Variants in KSR2 observed in about 807,000 individuals in gnomAD.
KSR2 encodes the protein kinase suppressor of ras 2.
In KSR2, 25 loss-of-function variants were observed where a neutral mutation model predicts 107.8. The ratio of observed to expected loss-of-function variants is 0.23; its 90% confidence interval spans 0.17 to 0.32. KSR2 has a LOEUF of 0.32. Among genes scored for constraint, KSR2 ranks in the 10% least tolerant of loss-of-function variants. KSR2 has a pLI of 1.00. For missense variants in KSR2, 887 were observed against 1,268.9 expected (o/e 0.70, Z 4.57); for synonymous variants, 480 against 507.0 (o/e 0.95, Z 0.71).
chr12:117,912,571 C>T (rs1057216547), intron 1 of KSR2, among the ~76,000 whole-genome samples: 1 of 152,104 alleles, frequency 6.6e-6, no homozygotes, highest in African/African-American at 2.4e-5. Flanking sequence ...TCCAAATAAT[C>T]CTATAAGATT....
intron 4 of KSR2, among the ~76,000 whole-genome samples, chr12:117,722,921 T>C (rs1464458608): frequency 6.6e-6 from 1 of 152,122 alleles, no homozygotes; most frequent in African/African-American, 2.4e-5. Flanking sequence ...GATCTCTCCA[T>C]ACCAAGAGAG....
chr12:117,680,032 C>T (rs1190564144), intron 4 of KSR2, among the ~76,000 whole-genome samples: 1 of 152,208 alleles, frequency 6.6e-6, no homozygotes, highest in Non-Finnish European at 1.5e-5. Flanking sequence ...GATTCCTGTT[C>T]TACACTACCT....
At chr12:117,468,073 C>T (rs1010769500) in intron 19 of KSR2, among the ~76,000 whole-genome samples, 4 of 152,212 alleles carry the variant, frequency 2.6e-5, no homozygotes, top group East Asian at 1.9e-4. Context: ...AACTTGCCAG[C>T]ACTCCTTTAG....
At chr12:117,578,391 C>T (rs968120591) in intron 7 of KSR2, among the ~76,000 whole-genome samples, 31 of 151,976 alleles carry the variant, frequency 2.0e-4, no homozygotes, top group African/African-American at 7.0e-4. Context: ...GTCAGGAGTT[C>T]GAGAGCAGCC....
intron 3 of KSR2, among the ~76,000 whole-genome samples, chr12:117,801,360 C>T (rs1292948356): frequency 1.3e-5 from 2 of 151,812 alleles, no homozygotes; most frequent in African/African-American, 2.4e-5. Flanking sequence ...AACTGTTGGC[C>T]TCAAGTGATC....
chr12:117,928,246 A>C (rs1000558669), intron 1 of KSR2, among the ~76,000 whole-genome samples: 9 of 149,476 alleles, frequency 6.0e-5, no homozygotes, highest in African/African-American at 2.2e-4. Context: ...GTGGTGCAGT[A>C]TCAGCTCACT....
At chr12:117,506,694 C>T (rs958027469) in intron 14 of KSR2, among the ~76,000 whole-genome samples, 1 of 152,128 alleles carries the variant, frequency 6.6e-6, no homozygotes, top group Non-Finnish European at 1.5e-5. Flanking sequence ...GCAGTTCTGA[C>T]TCTGAGATGG....
At chr12:117,896,386 G>A (rs1894509324) in intron 1 of KSR2, among the ~76,000 whole-genome samples, 1 of 151,990 alleles carries the variant, frequency 6.6e-6, no homozygotes, top group South Asian at 2.1e-4. Context: ...GTGGACTAGG[G>A]AATGACTGCT....
chr12:117,524,090 G>T (rs1278259933), intron 14 of KSR2, among the ~76,000 whole-genome samples: 1 of 152,206 alleles, frequency 6.6e-6, no homozygotes, highest in Admixed American at 6.5e-5. Context: ...AATTTCATTT[G>T]CAGATTGTCT....
chr12:117,727,458 G>C (rs1161531917), intron 4 of KSR2, among the ~76,000 whole-genome samples: 1 of 137,680 alleles, frequency 7.3e-6, no homozygotes, highest in South Asian at 2.5e-4. Context: ...AAAAGGAGGA[G>C]GAAGAGGAGG....
At chr12:117,885,850 C>T (rs1894160260) in intron 1 of KSR2, among the ~76,000 whole-genome samples, 1 of 152,116 alleles carries the variant, frequency 6.6e-6, no homozygotes, top group South Asian at 2.1e-4. Flanking sequence ...AATCCCAGCA[C>T]TTTGGGAGGC....
intron 14 of KSR2, among the ~76,000 whole-genome samples, chr12:117,508,655 G>T (rs1365870461): frequency 6.6e-6 from 1 of 151,906 alleles, no homozygotes; most frequent in African/African-American, 2.4e-5. Context: ...GGTGGGAAGT[G>T]GATAGGTGGA....
At chr12:117,481,871 G>A (rs969449343) in intron 16 of KSR2, among the ~76,000 whole-genome samples, 7 of 152,220 alleles carry the variant, frequency 4.6e-5, no homozygotes, top group Admixed American at 1.3e-4. Flanking sequence ...CTGCACTAGG[G>A]GCTCCAGGCT....
chr12:117,938,383 G>T (rs1895907409), intron 1 of KSR2, among the ~76,000 whole-genome samples: 1 of 152,060 alleles, frequency 6.6e-6, no homozygotes, highest in African/African-American at 2.4e-5. Context: ...GCCAGGTGTG[G>T]GGGCTCATGC....
chr12:117,796,105 T>C (rs919858013), intron 3 of KSR2, among the ~76,000 whole-genome samples: 1 of 140,936 alleles, frequency 7.1e-6, no homozygotes, highest in Non-Finnish European at 1.6e-5. Flanking sequence ...TTTTTAATTT[T>C]TTTGTAGAGA....
intron 10 of KSR2, among the ~76,000 whole-genome samples, chr12:117,538,390 T>A (rs1876202931): frequency 6.6e-6 from 1 of 151,844 alleles, no homozygotes; most frequent in Non-Finnish European, 1.5e-5. Flanking sequence ...ATCAAAACAG[T>A]GTGGGCAGGT....
chr12:117,913,635 C>G (rs1895090154), intron 1 of KSR2, among the ~76,000 whole-genome samples: 1 of 152,062 alleles, frequency 6.6e-6, no homozygotes, highest in South Asian at 2.1e-4. Flanking sequence ...GAGAAGCAGC[C>G]ACAAGCCAAG....
At chr12:117,832,795 C>T (rs1593280975) in intron 3 of KSR2, among the ~76,000 whole-genome samples, 1 of 152,220 alleles carries the variant, frequency 6.6e-6, no homozygotes, top group Non-Finnish European at 1.5e-5. Flanking sequence ...GGCTATGAAG[C>T]CATCCACCAG....
intron 3 of KSR2, among the ~76,000 whole-genome samples, chr12:117,802,583 T>C (rs1299813710): frequency 6.6e-6 from 1 of 152,140 alleles, no homozygotes; most frequent in Non-Finnish European, 1.5e-5. Context: ...CTAATAATAA[T>C]AGCACTGATA....
Sources: gnomAD v4.1 joint callset for allele counts (sites outside exome capture counted in the v4.1 genomes callset) on GRCh38, gnomAD v4.1.1 for gene constraint, MANE v1.5 for transcripts, NCBI Gene and HGNC (gene_info 2026-07-23, HGNC 2026-07-21) for gene names.